PCDHGB3: variants seen among roughly 807,000 people sequenced by gnomAD.
PCDHGB3 encodes the protein protocadherin gamma subfamily B, 3.
In PCDHGB3, 40 loss-of-function variants were observed where a neutral mutation model predicts 59.2. The observed-to-expected ratio is 0.68, with a 90% CI of 0.52 to 0.88. The LOEUF (loss-of-function observed/expected upper bound fraction) is 0.88. Ranked by LOEUF, PCDHGB3 falls within the 40% of genes least tolerant of loss-of-function variation. PCDHGB3 has a pLI of 0.00. For missense variants in PCDHGB3, 1,309 were observed against 1,187.9 expected (o/e 1.10, Z -1.50); for synonymous variants, 581 against 503.6 (o/e 1.15, Z -2.06).
intron 1 of PCDHGB3, chr5:141,393,482 T>G (rs116240246): frequency 4.3e-6 from 7 of 1,614,070 alleles, no homozygotes; most frequent in Middle Eastern, 1.6e-4. Context: ...CGCCTCGCTC[T>G]AGCACAGTGC....
chr5:141,441,362 G>A (rs1489202253), intron 1 of PCDHGB3: 1 of 152,484 alleles, frequency 6.6e-6, no homozygotes, highest in Non-Finnish European at 1.5e-5. Context: ...AACAAATGGG[G>A]CCGTGGACCA....
At chr5:141,478,765 C>T in intron 1 of PCDHGB3, 1 of 1,508,614 alleles carries the variant, frequency 6.6e-7, no homozygotes, top group Non-Finnish European at 8.9e-7. Context: ...AGATACTTGA[C>T]TCATCTGTGG....
At chr5:141,467,344 C>A (rs2099142230) in intron 1 of PCDHGB3, among the ~76,000 whole-genome samples, 1 of 152,122 alleles carries the variant, frequency 6.6e-6, no homozygotes, top group South Asian at 2.1e-4. Flanking sequence ...TAAGCCACTG[C>A]CCCCGGCCAA....
intron 1 of PCDHGB3, chr5:141,424,411 C>T (rs1259102577): frequency 6.6e-6 from 1 of 152,154 alleles, no homozygotes; most frequent in Admixed American, 6.5e-5. Flanking sequence ...GGTGAAGTTA[C>T]ATTGACTGTT....
chr5:141,375,570 T>C, intron 1 of PCDHGB3: 2 of 1,614,014 alleles, frequency 1.2e-6, no homozygotes, highest in Non-Finnish European at 1.7e-6. Context: ...GAAGACACCC[T>C]CCAGGGGGCG....
At chr5:141,501,628 C>T (rs1217355708) in intron 2 of PCDHGB3, among the ~76,000 whole-genome samples, 1 of 152,112 alleles carries the variant, frequency 6.6e-6, no homozygotes, top group Non-Finnish European at 1.5e-5. Flanking sequence ...TATAGTCTCT[C>T]AACCTCTCTG....
At chr5:141,393,952 G>C in intron 1 of PCDHGB3, 4 of 1,613,916 alleles carry the variant, frequency 2.5e-6, no homozygotes, top group Non-Finnish European at 3.4e-6. Context: ...GGAAAGAATG[G>C]TCAAGTTGTC....
chr5:141,480,380 A>C (rs1192159457), intron 1 of PCDHGB3, among the ~76,000 whole-genome samples: 3 of 151,970 alleles, frequency 2.0e-5, no homozygotes, highest in African/African-American at 4.8e-5. Context: ...GCACCACTAC[A>C]CTTCAACCAT....
At chr5:141,444,804 A>G (rs140326088) in intron 1 of PCDHGB3, among the ~76,000 whole-genome samples, 1 of 152,250 alleles carries the variant, frequency 6.6e-6, no homozygotes, top group Non-Finnish European at 1.5e-5. Flanking sequence ...TCTTTTACTA[A>G]TAGCACACTG....
At chr5:141,455,292 G>A (rs2098818902) in intron 1 of PCDHGB3, among the ~76,000 whole-genome samples, 1 of 152,068 alleles carries the variant, frequency 6.6e-6, no homozygotes, top group East Asian at 1.9e-4. Context: ...ACTTTACATA[G>A]TTTCATCTTG....
intron 1 of PCDHGB3, chr5:141,383,703 C>A: frequency 2.5e-6 from 4 of 1,613,964 alleles, no homozygotes; most frequent in Non-Finnish European, 3.4e-6. Flanking sequence ...ATGCTATCGA[C>A]CTGGACGAGG....
intron 1 of PCDHGB3, chr5:141,400,041 G>T (rs1354740714): frequency 1.2e-6 from 2 of 1,613,566 alleles, no homozygotes; most frequent in South Asian, 2.2e-5. Context: ...GCCAGCGCCT[G>T]CTGGTTGCTG....
chr5:141,391,887 T>C (rs970251505), intron 1 of PCDHGB3: 1 of 152,200 alleles, frequency 6.6e-6, no homozygotes, highest in Non-Finnish European at 1.5e-5. Context: ...GTGAAAGGGA[T>C]GGGATGGAGC....
chr5:141,438,659 T>C (rs1290256383), intron 1 of PCDHGB3, among the ~76,000 whole-genome samples: 1 of 141,194 alleles, frequency 7.1e-6, no homozygotes, highest in East Asian at 2.1e-4. Flanking sequence ...CACATATATG[T>C]ATATATATAT....
At chr5:141,497,771 C>T (rs2099779314) in intron 2 of PCDHGB3, among the ~76,000 whole-genome samples, 1 of 152,154 alleles carries the variant, frequency 6.6e-6, no homozygotes, top group Non-Finnish European at 1.5e-5. Context: ...ACTCCCCGAC[C>T]TCAACTGATC....
intron 1 of PCDHGB3, chr5:141,412,314 A>G (rs913648948): frequency 6.6e-6 from 1 of 152,240 alleles, no homozygotes; most frequent in African/African-American, 2.4e-5. Flanking sequence ...CAATGCAAAC[A>G]GTTTAATTTG....
At position 141,477,269 on chromosome 5, in the gene PCDHGB3, G is replaced by A; in HGVS notation, c.2416-17538G>A. On this transcript the variant is annotated intron_variant, in intron 1 of 3. Coordinates refer to ENST00000576222, the MANE Select transcript of PCDHGB3 (RefSeq NM_018924.5). This position sits in a 1 kb window ranked among gnomAD's most constrained non-coding sequence, Gnocchi z 4.9. Reference sequence around the variant, plus strand: ...GACTGACCTGGATGCTGGCGAGAACGGGCTGGTGACCTGCGAAGTTCCACC... The same window carrying A: ...GACTGACCTGGATGCTGGCGAGAACAGGCTGGTGACCTGCGAAGTTCCACC... 1.9e-6 allele frequency: 3 copies of A among 1,614,154 alleles called. No individual in the cohort carries two copies. Among genetic ancestry groups the A allele is most frequent in the Non-Finnish European group, 2.5e-6 (3 of 1,180,030 alleles).
intron 1 of PCDHGB3, chr5:141,399,787 A>C (rs111395890): frequency 0.048 from 76,979 of 1,613,184 alleles, 1,998 homozygotes; most frequent in South Asian, 0.077. Flanking sequence ...CCGAAACGAC[A>C]ACGCACCGCG....
intron 1 of PCDHGB3, among the ~76,000 whole-genome samples, chr5:141,482,178 C>T (rs950570560): frequency 2.6e-5 from 4 of 151,968 alleles, no homozygotes; most frequent in African/African-American, 4.8e-5. Context: ...TAAGGCTTTA[C>T]GATGCTCCAG....
Sources: allele counts gnomAD v4.1 joint callset (sites outside exome capture counted in the v4.1 genomes callset), GRCh38; gene constraint gnomAD v4.1.1; non-coding constraint Gnocchi (gnomAD v3.1); transcripts MANE v1.5; gene names NCBI Gene and HGNC (gene_info 2026-07-23, HGNC 2026-07-21).